Variants in KCTD14 observed in about 807,000 individuals in gnomAD.
KCTD14 encodes potassium channel tetramerization domain containing 14.
KCTD14 carries 7 observed loss-of-function variants against 5.9 expected under a neutral mutation model. The observed-to-expected ratio is 1.19, with a 90% confidence interval of 0.68 to 2.23. The LOEUF (loss-of-function observed/expected upper bound fraction) is 2.23, where lower values mean the gene tolerates loss of function less well. KCTD14 is among the 30% of genes most tolerant of loss of function. The probability of loss-of-function intolerance (pLI) is 0.00; values close to 1 mark genes in which losing one functional copy is unlikely to be tolerated. For missense variants in KCTD14, 342 were observed against 332.2 expected, an observed-to-expected ratio of 1.03 and a Z score of -0.23; for synonymous variants, 140 against 133.1, an observed-to-expected ratio of 1.05 and a Z score of -0.36.
intron 2 of KCTD14, among the ~76,000 whole-genome samples, chr11:78,030,641 T>C (rs1210380725): frequency 6.6e-6 from 1 of 152,208 alleles, no homozygotes; most frequent in Non-Finnish European, 1.5e-5. Context: ...CCTCTGTTCT[T>C]CAGGAGACAA....
intron 1 of KCTD14, 150 bp downstream of exon 1, chr11:78,023,010 G>A (rs189387635): frequency 1.7e-5 from 10 of 603,340 alleles, no homozygotes; most frequent in Non-Finnish European, 2.6e-5. Flanking sequence ...TGAAGAGAGC[G>A]ACCAGCCCGA....
upstream of KCTD14, among the ~76,000 whole-genome samples, chr11:78,026,878 C>T (rs1857480762): frequency 6.6e-6 from 1 of 152,126 alleles, no homozygotes; most frequent in Non-Finnish European, 1.5e-5. Context: ...GTGGGCAGAT[C>T]ATTTGAGGTC....
chr11:78,039,273 T>C (rs1565317761), intron 1 of KCTD14, among the ~76,000 whole-genome samples: 2 of 151,932 alleles, frequency 1.3e-5, no homozygotes, highest in Non-Finnish European at 2.9e-5. Flanking sequence ...TCCCAGCACT[T>C]TGAGAGGCCG....
chr11:78,036,063 G>A (rs1304784953), intron 2 of KCTD14, among the ~76,000 whole-genome samples: 1 of 152,046 alleles, frequency 6.6e-6, no homozygotes, highest in Admixed American at 6.5e-5. Flanking sequence ...GGAGGCTGAG[G>A]CAGGAGAATC....
At position 78,017,286 on chromosome 11, in the gene KCTD14, G is replaced by T; in HGVS notation, c.91-16C>A. ...CAGTAGACATCTGGGGGCACAAGAG[G>T]CAGAGTAAACCAACACGCCATCTCC... On this transcript the variant is annotated splice_polypyrimidine_tract_variant and intron_variant, in intron 1 of 1. Coordinates refer to ENST00000353172, the MANE Select transcript of KCTD14 (RefSeq NM_023930.4). 1 of 1,568,288 alleles carries T rather than the reference G, an allele frequency of 6.4e-7. No individual in the cohort carries two copies. Among genetic ancestry groups the T allele is most frequent in the Non-Finnish European group, 8.7e-7 (1 of 1,152,700 alleles).
At chr11:78,019,831 G>A (rs1857265480) in intron 1 of KCTD14, among the ~76,000 whole-genome samples, 1 of 152,172 alleles carries the variant, frequency 6.6e-6, no homozygotes, top group Non-Finnish European at 1.5e-5. Context: ...ACCCTGGGCT[G>A]AGCACTAAGA....
chr11:78,026,215 T>A (rs1036850767), upstream of KCTD14, among the ~76,000 whole-genome samples: 19 of 152,068 alleles, frequency 1.2e-4, no homozygotes, highest in Non-Finnish European at 2.4e-4. Flanking sequence ...GGCAAGTGGA[T>A]CATTTGAAGT....
At chr11:78,041,299 C>A (rs1242920801) in intron 1 of KCTD14, among the ~76,000 whole-genome samples, 1 of 152,166 alleles carries the variant, frequency 6.6e-6, no homozygotes, top group Non-Finnish European at 1.5e-5. Flanking sequence ...AAGAACACAG[C>A]AGACCCAGTC....
At chr11:78,019,170 T>C (rs1328733634) in intron 1 of KCTD14, among the ~76,000 whole-genome samples, 1 of 151,652 alleles carries the variant, frequency 6.6e-6, no homozygotes, top group Admixed American at 6.6e-5. Context: ...TGCACCACCA[T>C]GCCTGGCTAA....
At chr11:78,032,629 A>C (rs12289408) in intron 2 of KCTD14, among the ~76,000 whole-genome samples, 2 of 151,284 alleles carry the variant, frequency 1.3e-5, no homozygotes, top group African/African-American at 2.4e-5. Context: ...CCAGGCCAGG[A>C]CAGTACTGCC....
chr11:78,020,074 G>A (rs891934198), intron 1 of KCTD14, among the ~76,000 whole-genome samples: 2 of 152,228 alleles, frequency 1.3e-5, no homozygotes, highest in Non-Finnish European at 2.9e-5. Flanking sequence ...TGGAGACAGC[G>A]AAATAGACGG....
At chr11:78,025,001 G>C (rs1565311755), upstream of KCTD14, among the ~76,000 whole-genome samples, 1 of 144,368 alleles carries the variant, frequency 6.9e-6, no homozygotes, top group Admixed American at 6.9e-5. Context: ...ACATATATTT[G>C]TATATATATA....
rs773291774 is a variant in KCTD14, at chr11:78,017,272, TG to T, written c.91-3del. Reference sequence around the variant, plus strand: ...GTTCAGCTCCACAACAGTAGACATCTGGGGGCACAAGAGGCAGAGTAAACCA... The same window carrying T: ...GTTCAGCTCCACAACAGTAGACATCTGGGGCACAAGAGGCAGAGTAAACCA... On this transcript the variant is annotated splice_region_variant and splice_polypyrimidine_tract_variant and intron_variant, in intron 1 of 1. Coordinates refer to ENST00000353172, the MANE Select transcript of KCTD14 (RefSeq NM_023930.4). 3.6e-5 allele frequency: 57 copies of T among 1,581,326 alleles called. No individual in the cohort carries two copies. Among genetic ancestry groups the T allele is most frequent in the Non-Finnish European group, 4.5e-5 (52 of 1,158,546 alleles).
At chr11:78,039,541 AAAAAG>A (rs780411621) in intron 1 of KCTD14, among the ~76,000 whole-genome samples, 4 of 151,862 alleles carry the variant, frequency 2.6e-5, no homozygotes, top group Admixed American at 2.6e-4. Context: ...AAAGAAAAAA[AAAAAG>A]AAAAGATTTA....
At chr11:78,031,615 T>G (rs1185379596) in intron 2 of KCTD14, among the ~76,000 whole-genome samples, 1 of 152,054 alleles carries the variant, frequency 6.6e-6, no homozygotes, top group Non-Finnish European at 1.5e-5. Flanking sequence ...CTCAAACTCC[T>G]GATCTCTAGC....
At chr11:78,042,086 C>A (rs959452127) in intron 1 of KCTD14, among the ~76,000 whole-genome samples, 6 of 152,216 alleles carry the variant, frequency 3.9e-5, no homozygotes, top group Non-Finnish European at 7.3e-5. Context: ...ACCACCTTCA[C>A]AAAATTATCA....
chr11:78,027,045 G>T (rs1255637387), upstream of KCTD14, among the ~76,000 whole-genome samples: 1 of 151,984 alleles, frequency 6.6e-6, no homozygotes, highest in Non-Finnish European at 1.5e-5. Flanking sequence ...GTTGCAGTGA[G>T]CCGAGATTAT....
rs1208856684 is a variant in KCTD14, at chr11:78,016,301, A to C, written c.*292T>G. On this transcript the variant is annotated 3_prime_UTR_variant, in exon 2 of 2. Transcript: ENST00000353172. ...TGTTGTCATCTCACATCTCTTGCCA[A>C]CGCATTGTTGAAACATTCTTACTTG... 1 of 437,702 alleles carries C rather than the reference A, an allele frequency of 2.3e-6. No individual in the cohort carries two copies. The highest frequency in any genetic ancestry group is 2.0e-5 in the African/African-American group (1 of 50,502). 27.1% of individuals were successfully genotyped at this position (437,702 alleles called of 1,614,324 possible). A position where few individuals can be genotyped will look rare whatever the true frequency, so the allele number is the denominator to read the frequency against.
chr11:78,026,157 C>T (rs1417388225), upstream of KCTD14, among the ~76,000 whole-genome samples: 1 of 152,172 alleles, frequency 6.6e-6, no homozygotes, highest in Non-Finnish European at 1.5e-5. Context: ...GACACTAGGG[C>T]CACGCATGGT....
Sources: allele counts gnomAD v4.1 joint callset (sites outside exome capture counted in the v4.1 genomes callset), GRCh38; gene constraint gnomAD v4.1.1; transcripts MANE v1.5; gene names NCBI Gene and HGNC (gene_info 2026-07-23, HGNC 2026-07-21).